Variants in AGBL1 observed in about 807,000 individuals in gnomAD.
AGBL1 encodes the protein AGBL carboxypeptidase 1, also known as cytosolic carboxypeptidase 4.
A neutral mutation model predicts 118.9 loss-of-function variants in AGBL1; 130 were observed. That is an observed-to-expected ratio of 1.09 (90% CI 0.95 to 1.26). AGBL1 has a LOEUF of 1.26. Ranked by LOEUF, AGBL1 falls within the 50% of genes most tolerant of loss-of-function variation. The pLI is 0.00. For synonymous variants in AGBL1, 555 were observed against 478.9 expected (o/e 1.16, Z -2.08); for missense variants, 1,584 against 1,298.1 (o/e 1.22, Z -3.38).
At chr15:86,980,935 G>A (rs974255062) in intron 23 of AGBL1, among the ~76,000 whole-genome samples, 3 of 132,054 alleles carry the variant, frequency 2.3e-5, no homozygotes, top group Admixed American at 8.6e-5. Context: ...CACCCAGCCT[G>A]GAGTGCAGTG....
At chr15:86,633,408 T>C (rs2085011196) in intron 21 of AGBL1, among the ~76,000 whole-genome samples, 1 of 152,188 alleles carries the variant, frequency 6.6e-6, no homozygotes, top group Non-Finnish European at 1.5e-5. Context: ...AGGACCTGTT[T>C]ATGAAATGAT....
At chr15:86,529,575 A>C (rs1427815347) in intron 19 of AGBL1, among the ~76,000 whole-genome samples, 9 of 117,322 alleles carry the variant, frequency 7.7e-5, no homozygotes, top group Non-Finnish European at 1.1e-4. Context: ...CTAGCAAGGC[A>C]GGCCAACATT....
At chr15:86,570,641 C>T (rs954472102) in intron 21 of AGBL1, among the ~76,000 whole-genome samples, 1 of 152,154 alleles carries the variant, frequency 6.6e-6, no homozygotes, top group Non-Finnish European at 1.5e-5. Context: ...AATCCAGCAC[C>T]ATGTTGGATC....
chr15:86,222,151 A>G (rs527856520), intron 5 of AGBL1, among the ~76,000 whole-genome samples: 71 of 152,194 alleles, frequency 4.7e-4, no homozygotes, highest in Non-Finnish European at 1.0e-4. Context: ...CCTCTCCGAT[A>G]TCACCTGCTT....
At chr15:86,293,380 C>A (rs28396746) in intron 16 of AGBL1, among the ~76,000 whole-genome samples, 4,944 of 152,222 alleles carry the variant, frequency 0.032, 269 homozygotes, top group African/African-American at 0.11. Flanking sequence ...CCTTTTCCAG[C>A]TTCTAGAGGC....
At chr15:86,142,133 C>A in intron 2 of AGBL1, 66 bp downstream of exon 2, 2 of 1,491,650 alleles carry the variant, frequency 1.3e-6, no homozygotes, top group South Asian at 1.2e-5. Flanking sequence ...TGATCTCTCC[C>A]AGGCACCTCT....
intron 17 of AGBL1, among the ~76,000 whole-genome samples, chr15:86,306,009 ATTTTT>A (rs959725733): frequency 6.6e-6 from 1 of 151,630 alleles, no homozygotes; most frequent in African/African-American, 2.4e-5. Context: ...TTTTAATTTA[ATTTTT>A]TTTATTTTTA....
intron 5 of AGBL1, among the ~76,000 whole-genome samples, chr15:86,197,963 C>T (rs2077842217): frequency 6.6e-6 from 1 of 152,032 alleles, no homozygotes; most frequent in South Asian, 2.1e-4. Flanking sequence ...CACATCACAG[C>T]CCAGAGTATA....
chr15:86,975,204 T>G (rs1006545812), intron 23 of AGBL1, among the ~76,000 whole-genome samples: 3 of 140,082 alleles, frequency 2.1e-5, no homozygotes, highest in Non-Finnish European at 4.9e-5. Flanking sequence ...GGAGACTAGG[T>G]AATTAATAAA....
At chr15:86,163,034 T>G (rs1195482417) in intron 5 of AGBL1, among the ~76,000 whole-genome samples, 1 of 152,240 alleles carries the variant, frequency 6.6e-6, no homozygotes, top group Non-Finnish European at 1.5e-5. Context: ...CTGGGTGTCT[T>G]TTCTCCTCCC....
At chr15:86,282,501 G>A (rs1051798317) in intron 16 of AGBL1, among the ~76,000 whole-genome samples, 5 of 152,036 alleles carry the variant, frequency 3.3e-5, no homozygotes, top group Non-Finnish European at 7.4e-5. Flanking sequence ...AACAAAACAG[G>A]GTTAGAAAGA....
At chr15:86,163,096 T>A (rs1886755936) in intron 5 of AGBL1, among the ~76,000 whole-genome samples, 2 of 152,252 alleles carry the variant, frequency 1.3e-5, no homozygotes, top group Non-Finnish European at 2.9e-5. Flanking sequence ...TCTTGTTATT[T>A]TCCATTCCTC....
intron 22 of AGBL1, among the ~76,000 whole-genome samples, chr15:86,784,983 G>A (rs143437331): frequency 6.6e-6 from 1 of 152,118 alleles, no homozygotes; most frequent in African/African-American, 2.4e-5. Flanking sequence ...TTTCAAGCAC[G>A]GTATTACAAA....
In AGBL1 at chr15:86,636,702, CATATAT is replaced by C. The variant is rs1157674222; in HGVS notation, c.2995-37519_2995-37514del. ...TACAGCTTTGCATGGAACCACCAGT[CATATAT>C]ATATATATATATATATATATATATA... On this transcript the variant is annotated intron_variant, in intron 21 of 22. Coordinates refer to ENST00000614907, the MANE Select transcript of AGBL1 (RefSeq NM_001386094.1). 6.2e-3 allele frequency among the ~76,000 whole-genome samples: 166 copies of C among 26,716 alleles called. 2 individuals are homozygous for C. The highest frequency in any genetic ancestry group is 8.1e-3 in the African/African-American group (81 of 9,980). The allele number at this position is 26,716 out of a possible 152,430, so 17.5% of individuals were successfully genotyped here.
intron 1 of AGBL1, among the ~76,000 whole-genome samples, chr15:86,099,581 C>T (rs1896586136): frequency 1.3e-5 from 2 of 150,878 alleles, no homozygotes; most frequent in Admixed American, 1.3e-4. Flanking sequence ...ACTCTGTTGC[C>T]CAGGCTGGAG....
intron 22 of AGBL1, among the ~76,000 whole-genome samples, chr15:86,889,712 CA>C (rs1394041414): frequency 6.6e-6 from 1 of 152,180 alleles, no homozygotes; most frequent in Non-Finnish European, 1.5e-5. Flanking sequence ...CATGTCCCTG[CA>C]AAGGACATGA....
intron 17 of AGBL1, among the ~76,000 whole-genome samples, chr15:86,306,920 T>C (rs955552277): frequency 6.6e-6 from 1 of 152,242 alleles, no homozygotes; most frequent in Non-Finnish European, 1.5e-5. Flanking sequence ...TGATCACTGA[T>C]GTTGAGCACC....
At chr15:86,389,464 C>T (rs12101443) in intron 17 of AGBL1, among the ~76,000 whole-genome samples, 3 of 151,950 alleles carry the variant, frequency 2.0e-5, no homozygotes, top group Admixed American at 6.6e-5. Flanking sequence ...AGTTCACTTT[C>T]GGACAAATCA....
At chr15:86,544,720 G>A (rs971471912) in intron 19 of AGBL1, among the ~76,000 whole-genome samples, 3 of 152,106 alleles carry the variant, frequency 2.0e-5, no homozygotes, top group African/African-American at 7.2e-5. Context: ...ACCCACCCTT[G>A]ACATGTGGAG....
Sources: allele counts gnomAD v4.1 joint callset (sites outside exome capture counted in the v4.1 genomes callset), GRCh38; gene constraint gnomAD v4.1.1; transcripts MANE v1.5; gene names NCBI Gene and HGNC (gene_info 2026-07-23, HGNC 2026-07-21).